The following LYPLA1 variants were observed in gnomAD, a reference collection of about 807,000 sequenced individuals.
LYPLA1 encodes the protein lysophospholipase 1, also known as acyl-protein thioesterase 1.
A neutral mutation model predicts 34.0 loss-of-function variants in LYPLA1; 17 were observed. The observed-to-expected ratio is 0.50, with a 90% confidence interval of 0.34 to 0.75. The LOEUF (loss-of-function observed/expected upper bound fraction) is 0.75, where lower values mean the gene tolerates loss of function less well. LYPLA1 is among the 30% of genes least tolerant of loss of function. The pLI is 0.01. For synonymous variants in LYPLA1, 98 were observed against 100.8 expected, an observed-to-expected ratio of 0.97 and a Z score of 0.17; for missense variants, 203 against 288.8, an observed-to-expected ratio of 0.70 and a Z score of 2.15.
intron 2 of LYPLA1, among the ~76,000 whole-genome samples, chr8:54,097,211 G>A (rs1017962799): frequency 7.2e-5 from 11 of 152,148 alleles, no homozygotes; most frequent in African/African-American, 2.7e-4. Context: ...TCAAAAGATC[G>A]AAGTTACAAC....
chr8:54,096,660 T>G (rs1249761244), intron 2 of LYPLA1, among the ~76,000 whole-genome samples: 1 of 151,916 alleles, frequency 6.6e-6, no homozygotes, highest in Non-Finnish European at 1.5e-5. Context: ...GGAGACTCAC[T>G]TGAACTCAGG....
At chr8:54,044,150 C>T (rs1251044429), downstream of LYPLA1, among the ~76,000 whole-genome samples, 1 of 152,140 alleles carries the variant, frequency 6.6e-6, no homozygotes, top group African/African-American at 2.4e-5. Context: ...GCCTCAGCCT[C>T]CCAAAGTGCC....
chr8:54,074,916 G>C (rs1299075900), intron 2 of LYPLA1, among the ~76,000 whole-genome samples: 1 of 152,200 alleles, frequency 6.6e-6, no homozygotes, highest in East Asian at 1.9e-4. Context: ...AGTGTTTTGC[G>C]GTGATGGGCA....
intron 2 of LYPLA1, among the ~76,000 whole-genome samples, chr8:54,096,060 A>C (rs1563674233): frequency 6.6e-6 from 1 of 152,180 alleles, no homozygotes; most frequent in African/African-American, 2.4e-5. Context: ...TTAACTTCTT[A>C]ATGATGGTTA....
chr8:54,085,380 G>A (rs1039803395), intron 2 of LYPLA1, among the ~76,000 whole-genome samples: 11 of 152,236 alleles, frequency 7.2e-5, no homozygotes, highest in Admixed American at 3.3e-4. Flanking sequence ...CCAAAGTGCC[G>A]AGATTGCAGC....
At chr8:54,053,609 T>C in intron 6 of LYPLA1, 1 of 456,248 alleles carries the variant, frequency 2.2e-6, no homozygotes, top group South Asian at 1.5e-5. Flanking sequence ...AGTGATGTTT[T>C]CTCCTGGCAC....
Position 54,047,901 on chromosome 8 carries a change from A to G in LYPLA1, c.*164T>C, listed in dbSNP as rs1805577005. The G allele has an allele frequency of 4.1e-6, 2 of 488,510 alleles. No homozygotes were observed. 30.3% of individuals were successfully genotyped at this position (488,510 alleles called of 1,614,324 possible). On this transcript the variant is annotated 3_prime_UTR_variant, in exon 9 of 9. Transcript: ENST00000316963. ...CATGTATAGAAACTTAAAAGATCAT[A>G]AATTTCTCATGAGGAGATATTATTT... is the stretch of plus-strand genomic sequence containing the variant.
At chr8:54,092,374 G>C (rs529668563) in intron 2 of LYPLA1, among the ~76,000 whole-genome samples, 4 of 151,906 alleles carry the variant, frequency 2.6e-5, no homozygotes, top group Admixed American at 2.6e-4. Flanking sequence ...AGGAAGAGGA[G>C]GAAGAAAGAA....
At chr8:54,053,095 C>CTTTT in intron 6 of LYPLA1, 1 of 158,446 alleles carries the variant, frequency 6.3e-6, no homozygotes, top group South Asian at 1.6e-4. Context: ...ATTGGTATTA[C>CTTTT]TTTTTTTTTT....
intron 7 of LYPLA1, among the ~76,000 whole-genome samples, 190 bp downstream of exon 7, chr8:54,052,465 G>A (rs1805910999): frequency 6.6e-6 from 1 of 152,094 alleles, no homozygotes; most frequent in Admixed American, 6.5e-5. Context: ...ATGGTGGGGA[G>A]GCTGTGCATG....
At chr8:54,062,204 T>C (rs1192646163) in intron 5 of LYPLA1, 50 bp downstream of exon 5, 11 of 1,316,658 alleles carry the variant, frequency 8.4e-6, no homozygotes, top group African/African-American at 1.5e-5. Flanking sequence ...CTAAATCTAC[T>C]AAAAACATTT....
chr8:54,083,671 T>C (rs1008498824), intron 2 of LYPLA1, among the ~76,000 whole-genome samples: 1 of 152,200 alleles, frequency 6.6e-6, no homozygotes, highest in African/African-American at 2.4e-5. Flanking sequence ...CAACAAAACC[T>C]TATTTATGTA....
intron 5 of LYPLA1, 107 bp downstream of exon 5, chr8:54,062,147 C>T (rs775536219): frequency 4.3e-5 from 33 of 771,570 alleles, no homozygotes; most frequent in Middle Eastern, 4.6e-4. Context: ...CGTGAGCCAC[C>T]GTGCCCGGCC....
chr8:54,092,581 T>C (rs1809382992), intron 2 of LYPLA1, among the ~76,000 whole-genome samples: 1 of 152,164 alleles, frequency 6.6e-6, no homozygotes, highest in South Asian at 2.1e-4. Flanking sequence ...GATTCGAAGG[T>C]CTATACAGGT....
At position 54,061,229 on chromosome 8, in the gene LYPLA1, CG is replaced by C. The variant is rs553327190; in HGVS notation, c.286+1024del. ...CCAAGTAGCTGGAATTACAGGCGTG[CG>C]TGACCACGCCCAGCTAATTTTTTAA... On this transcript the variant is annotated intron_variant, in intron 5 of 8. Transcript: ENST00000316963. Among the ~76,000 whole-genome samples, 27 of 151,966 alleles carry C rather than the reference CG, an allele frequency of 1.8e-4. No homozygotes were observed. The South Asian group carries it at 5.0e-3, about 28-fold the overall frequency.
intron 2 of LYPLA1, among the ~76,000 whole-genome samples, chr8:54,066,093 C>T (rs751953227): frequency 6.6e-5 from 10 of 152,190 alleles, no homozygotes; most frequent in South Asian, 2.1e-4. Context: ...CCCGCCACCA[C>T]GCCCGGCTAA....
downstream of LYPLA1, among the ~76,000 whole-genome samples, chr8:54,043,412 A>C (rs750307085): frequency 6.6e-6 from 1 of 152,072 alleles, no homozygotes; most frequent in Non-Finnish European, 1.5e-5. Flanking sequence ...AGTAGCTGGG[A>C]CTACAGGCGT....
In LYPLA1 at chr8:54,083,512, G is replaced by A. The variant is rs574199864; in HGVS notation, c.101+17396C>T. Among the ~76,000 whole-genome samples, 5 of 152,202 alleles carry A rather than the reference G, an allele frequency of 3.3e-5. No individual in the cohort carries two copies. The South Asian group carries it at 1.0e-3, about 32-fold the overall frequency. On this transcript the variant is annotated intron_variant, in intron 2 of 8. Transcript: ENST00000316963. ...TATCAAGAAATATTAAACAACAGGG[G>A]TCAATAATTGTTTTCTGCAAAGGAC...
rs750265654 is a variant in LYPLA1 at position 54,052,776 on chromosome 8, A to G, written c.361-20T>C. ...TCCTCCCTGAAAAGACAAGCAGGGA[A>G]AGTCAATGGAACACACATGCTTGCC... On this transcript the variant is annotated intron_variant, in intron 6 of 8. Coordinates refer to ENST00000316963, the MANE Select transcript of LYPLA1 (RefSeq NM_006330.4). 39 of 1,466,284 alleles carry G rather than the reference A, an allele frequency of 2.7e-5. No individual in the cohort carries two copies. Among genetic ancestry groups the G allele is most frequent in the Non-Finnish European group, 3.4e-5 (36 of 1,046,172 alleles). 90.8% of individuals were successfully genotyped at this position (1,466,284 alleles called of 1,614,324 possible).
Sources: gnomAD v4.1 joint callset for allele counts (sites outside exome capture counted in the v4.1 genomes callset) on GRCh38, gnomAD v4.1.1 for gene constraint, MANE v1.5 for transcripts, NCBI Gene and HGNC (gene_info 2026-07-23, HGNC 2026-07-21) for gene names.